Variants in LAMA3 observed in about 807,000 individuals in gnomAD.
LAMA3 encodes laminin subunit alpha 3.
A neutral mutation model predicts 402.0 loss-of-function variants in LAMA3; 281 were observed. That is an observed-to-expected ratio of 0.70 (90% confidence interval 0.63 to 0.77). The LOEUF (loss-of-function observed/expected upper bound fraction) is 0.77, where lower values mean the gene tolerates loss of function less well. LAMA3 is among the 30% of genes least tolerant of loss of function. The pLI is 0.00. For synonymous variants in LAMA3, 1,431 were observed against 1,558.4 expected (o/e 0.92, Z 1.93); for missense variants, 3,840 against 4,215.5 (o/e 0.91, Z 2.47).
intron 1 of LAMA3, among the ~76,000 whole-genome samples, chr18:23,707,097 AAC>A (rs2060904200): frequency 6.6e-6 from 1 of 152,084 alleles, no homozygotes; most frequent in Admixed American, 6.5e-5. Flanking sequence ...CAAAAACAAA[AAC>A]AGTTTTTTCT....
intron 1 of LAMA3, among the ~76,000 whole-genome samples, chr18:23,699,494 C>T (rs1711457): frequency 5.9e-5 from 9 of 152,048 alleles, no homozygotes; most frequent in Non-Finnish European, 1.2e-4. Context: ...TTGAGGAATG[C>T]GTCAGGTTGG....
intron 4 of LAMA3, 61 bp from the exon 5 acceptor site, chr18:23,750,857 T>C: frequency 6.3e-7 from 1 of 1,580,404 alleles, no homozygotes; most frequent in East Asian, 2.2e-5. Flanking sequence ...TTTTACTTAC[T>C]TGCTGCTAAA....
At position 23,946,192 on chromosome 18, in the gene LAMA3, C is replaced by T. The variant is rs1451351925; in HGVS notation, c.9259C>T (p.Leu3087=). The T allele has an allele frequency of 2.5e-6, 4 of 1,613,822 alleles. No individual in the cohort carries two copies. Among genetic ancestry groups the T allele is most frequent in the Non-Finnish European group, 3.4e-6 (4 of 1,179,970 alleles). Residue 3087 remains leucine (L), a synonymous_variant, in exon 70 of 75, where the codon CTG becomes TTG. Transcript: ENST00000313654. Reference sequence around the variant, plus strand: ...AAAGGGGCGCTTGGTTGTGGATGGACTGAGGGCCCGGGAGGGAAGTTTGCC... The same window carrying T: ...AAAGGGGCGCTTGGTTGTGGATGGATTGAGGGCCCGGGAGGGAAGTTTGCC... The part of the protein sequence containing the change: ...GEKGRLVVDG[L]RAREGSLPGN...
At chr18:23,739,644 A>G (rs560797527) in intron 2 of LAMA3, among the ~76,000 whole-genome samples, 26 of 152,362 alleles carry the variant, frequency 1.7e-4, no homozygotes, top group Admixed American at 1.6e-3. Flanking sequence ...CAGACCAGAA[A>G]TGTTAACACT....
intron 1 of LAMA3, among the ~76,000 whole-genome samples, chr18:23,697,956 G>A (rs1347760067): frequency 6.6e-6 from 1 of 151,872 alleles, no homozygotes; most frequent in Non-Finnish European, 1.5e-5. Flanking sequence ...TCTTCACATG[G>A]TCTCTTCTCT....
chr18:23,844,153 T>C (rs192159407), intron 29 of LAMA3, among the ~76,000 whole-genome samples: 75 of 152,358 alleles, frequency 4.9e-4, no homozygotes, highest in African/African-American at 1.7e-3. Context: ...GTTTATTGAA[T>C]TGAATATCAT....
Position 23,810,222 on chromosome 18 carries a change from A to G in LAMA3, c.1604-144A>G, listed in dbSNP as rs1038722648. On this transcript the variant is annotated intron_variant, in intron 12 of 74. Coordinates refer to ENST00000313654, the MANE Select transcript of LAMA3 (RefSeq NM_198129.4). ...TTAGAGCAGTTGAGTGGCTTGTTTC[A>G]GGTTCCCGATCTCATAAGAAGTGGA... 8.7e-6 allele frequency: 8 copies of G among 915,824 alleles called. No homozygotes were observed. The African/African-American group carries it at 1.3e-4, about 15-fold the overall frequency. 56.7% of individuals were successfully genotyped at this position (915,824 alleles called of 1,614,324 possible). A position where few individuals can be genotyped will look rare whatever the true frequency, so the allele number is the denominator to read the frequency against.
intron 12 of LAMA3, among the ~76,000 whole-genome samples, chr18:23,803,754 A>G (rs1418672493): frequency 1.3e-5 from 2 of 152,222 alleles, no homozygotes; most frequent in Non-Finnish European, 2.9e-5. Context: ...TGTCCCAGAA[A>G]GGCACAAATG....
chr18:23,800,586 T>C (rs2062849153), intron 12 of LAMA3, among the ~76,000 whole-genome samples: 1 of 152,174 alleles, frequency 6.6e-6, no homozygotes, highest in African/African-American at 2.4e-5. Flanking sequence ...ACTAAATTAT[T>C]GTTAACCACA....
At chr18:23,835,360 C>T (rs1724922152) in intron 24 of LAMA3, among the ~76,000 whole-genome samples, 2 of 152,188 alleles carry the variant, frequency 1.3e-5, no homozygotes, top group African/African-American at 4.8e-5. Flanking sequence ...CAGAAGAGCT[C>T]TGAGAATATC....
chr18:23,695,430 T>G (rs918752831), intron 1 of LAMA3, among the ~76,000 whole-genome samples: 1 of 152,008 alleles, frequency 6.6e-6, no homozygotes, highest in Non-Finnish European at 1.5e-5. Flanking sequence ...GGGTCCTGGT[T>G]TGTGAGACTT....
At chr18:23,693,271 G>A (rs960049336) in intron 1 of LAMA3, among the ~76,000 whole-genome samples, 1 of 152,260 alleles carries the variant, frequency 6.6e-6, no homozygotes, top group Admixed American at 6.5e-5. Flanking sequence ...TTGAACCCAG[G>A]AGCTGAGATC....
chr18:23,701,710 G>A lies in LAMA3; in HGVS notation c.294+11733G>A, dbSNP rs557608908. Reference sequence around the variant, plus strand: ...AAAAAGGAAATGATTTGCAATTTCCGCTGAGGATGAAGAGAAGCGGGTAGG... The same window carrying A: ...AAAAAGGAAATGATTTGCAATTTCCACTGAGGATGAAGAGAAGCGGGTAGG... On this transcript the variant is annotated intron_variant, in intron 1 of 74. Coordinates refer to ENST00000313654, the MANE Select transcript of LAMA3 (RefSeq NM_198129.4). Among the ~76,000 whole-genome samples the A allele has an allele frequency of 1.1e-4, 16 of 152,266 alleles. No homozygotes were observed. The South Asian group carries it at 2.7e-3, about 26-fold the overall frequency.
rs771621431 is a variant in LAMA3 at position 23,844,357 on chromosome 18, C to G, written c.3604-652C>G. Among the ~76,000 whole-genome samples, 12 of 152,216 alleles carry G rather than the reference C, an allele frequency of 7.9e-5. No individual in the cohort carries two copies. In the East Asian group the frequency reaches 2.3e-3, roughly 29 times the overall value. ...GCTAACACCTTCTTTCTGCATTGTTCTTGCCACTTTTGTTTGTTTCCCTTT... is the reference window on the plus strand; with the variant it reads ...GCTAACACCTTCTTTCTGCATTGTTGTTGCCACTTTTGTTTGTTTCCCTTT... On this transcript the variant is annotated intron_variant, in intron 29 of 74. Transcript: ENST00000313654.
chr18:23,822,889 G>A (rs2063313537), intron 20 of LAMA3, among the ~76,000 whole-genome samples: 1 of 152,204 alleles, frequency 6.6e-6, no homozygotes, highest in African/African-American at 2.4e-5. Context: ...ATTCCTGAGG[G>A]CAGAGGGACA....
chr18:23,769,981 A>C (rs1358418373), intron 8 of LAMA3, among the ~76,000 whole-genome samples: 1 of 152,266 alleles, frequency 6.6e-6, no homozygotes, highest in African/African-American at 2.4e-5. Context: ...GTAAACTTTA[A>C]GACAAAGAGC....
intron 9 of LAMA3, among the ~76,000 whole-genome samples, chr18:23,775,016 G>C (rs1025589427): frequency 3.9e-5 from 6 of 152,132 alleles, no homozygotes; most frequent in Non-Finnish European, 5.9e-5. Context: ...GGTATTAGAG[G>C]CTTGGCGTAA....
intron 13 of LAMA3, among the ~76,000 whole-genome samples, chr18:23,812,412 A>G (rs2063092013): frequency 6.6e-6 from 1 of 152,186 alleles, no homozygotes; most frequent in Non-Finnish European, 1.5e-5. Context: ...AAACAAAGCC[A>G]ATAGGGTTAA....
In LAMA3 at chr18:23,912,838, G is replaced by A; in HGVS notation, c.7286G>A (p.Gly2429Glu). 6.2e-7 allele frequency: 1 copy of A among 1,613,978 alleles called. No individual in the cohort carries two copies. The highest frequency in any genetic ancestry group is 8.5e-7 in the Non-Finnish European group (1 of 1,179,830). The change falls in exon 56 of 75, where the codon GGG (glycine) becomes GAG (glutamate). Residue 2429 changes from glycine (G) to glutamate (E), a missense_variant. Gly to Glu is a moderately conservative substitution (Grantham distance 98). Transcript: ENST00000313654. ...FLQRPNSRENGGTENMFVMYL... is the reference protein window; with the variant it reads ...FLQRPNSRENEGTENMFVMYL... ...CAAAGGCCCAACTCAAGAGAAAATG[G>A]GGGTACTGAGAATATGTTTGTGATG...
Sources: allele counts gnomAD v4.1 joint callset (sites outside exome capture counted in the v4.1 genomes callset), GRCh38; gene constraint gnomAD v4.1.1; transcripts MANE v1.5; gene names NCBI Gene and HGNC (gene_info 2026-07-23, HGNC 2026-07-21).